The following ZFHX3 variants were observed in gnomAD, a reference collection of about 807,000 sequenced individuals.
ZFHX3 encodes the protein zinc finger homeobox protein 3.
Under a neutral mutation model 279.1 loss-of-function variants are expected in ZFHX3, and 42 were observed. The observed-to-expected ratio is 0.15, with a 90% CI of 0.12 to 0.19. ZFHX3 has a LOEUF of 0.19. Among genes scored for constraint, ZFHX3 ranks in the 10% least tolerant of loss-of-function variants. ZFHX3 has a pLI of 1.00. For synonymous variants in ZFHX3, 2,293 were observed against 1,957.8 expected, an observed-to-expected ratio of 1.17 and a Z score of -4.52; for missense variants, 4,981 against 4,754.0, an observed-to-expected ratio of 1.05 and a Z score of -1.40.
In ZFHX3 at chr16:73,096,211, A is replaced by G. The variant is rs532989946; in HGVS notation, c.-896-2613T>C. ...GCTGCCTGCCCCGAATTGGGCTCCTATAACTGTTCCAGAAAGTAGCTTTTG... is the reference window on the plus strand; with the variant it reads ...GCTGCCTGCCCCGAATTGGGCTCCTGTAACTGTTCCAGAAAGTAGCTTTTG... On this transcript the variant is annotated intron_variant, in intron 7 of 17. Transcript: ENST00000641206. Among the ~76,000 whole-genome samples the G allele has an allele frequency of 1.1e-4, 16 of 151,976 alleles. No individual in the cohort carries two copies. The South Asian group carries it at 2.9e-3, about 28-fold the overall frequency.
At chr16:73,070,702 A>T (rs1337171710) in intron 8 of ZFHX3, among the ~76,000 whole-genome samples, 1 of 147,144 alleles carries the variant, frequency 6.8e-6, no homozygotes, top group East Asian at 2.2e-4. Context: ...GGAAATGCTG[A>T]CATCATTGTC....
At chr16:73,287,672 G>A (rs2014658515) in intron 4 of ZFHX3, among the ~76,000 whole-genome samples, 1 of 147,190 alleles carries the variant, frequency 6.8e-6, no homozygotes, top group East Asian at 2.1e-4. Context: ...GGCTATGTGG[G>A]TTGATGTGTG....
At chr16:73,610,983 G>A (rs1169963965) in intron 2 of ZFHX3, among the ~76,000 whole-genome samples, 1 of 152,202 alleles carries the variant, frequency 6.6e-6, no homozygotes, top group African/African-American at 2.4e-5. Flanking sequence ...TGGAGGCTTT[G>A]TCAGCCGCTG....
chr16:73,007,259 T>C (rs1963741723), intron 1 of ZFHX3, among the ~76,000 whole-genome samples: 1 of 152,230 alleles, frequency 6.6e-6, no homozygotes, highest in Non-Finnish European at 1.5e-5. Flanking sequence ...TCAGCTTTCT[T>C]TTTGTGTAAC....
At chr16:73,194,686 G>A (rs1761296666) in intron 5 of ZFHX3, among the ~76,000 whole-genome samples, 2 of 152,202 alleles carry the variant, frequency 1.3e-5, no homozygotes, top group Non-Finnish European at 2.9e-5. Context: ...TGAGTGGTAT[G>A]CCTTTGATGC....
At chr16:73,707,392 T>C (rs1265223065) in intron 1 of ZFHX3, among the ~76,000 whole-genome samples, 1 of 151,946 alleles carries the variant, frequency 6.6e-6, no homozygotes, top group Non-Finnish European at 1.5e-5. Flanking sequence ...AAAAAGCAAG[T>C]TGTGGATGGA....
At chr16:73,631,194 T>C (rs1295220166) in intron 2 of ZFHX3, among the ~76,000 whole-genome samples, 1 of 152,226 alleles carries the variant, frequency 6.6e-6, no homozygotes, top group Non-Finnish European at 1.5e-5. Context: ...CCCACCTCCT[T>C]GAGTATCTAT....
intron 4 of ZFHX3, among the ~76,000 whole-genome samples, chr16:72,838,366 C>T (rs1030346889): frequency 6.6e-6 from 1 of 152,096 alleles, no homozygotes; most frequent in Non-Finnish European, 1.5e-5. Flanking sequence ...GCGTGTTCGG[C>T]CCCTGCTGGG....
intron 1 of ZFHX3, among the ~76,000 whole-genome samples, chr16:73,813,073 C>G (rs938667794): frequency 6.6e-6 from 1 of 152,176 alleles, no homozygotes; most frequent in South Asian, 2.1e-4. Context: ...GAAAACTAAA[C>G]AAGATTTATC....
intron 5 of ZFHX3, among the ~76,000 whole-genome samples, chr16:73,172,935 T>G (rs1455226298): frequency 1.3e-5 from 2 of 149,162 alleles, no homozygotes; most frequent in Non-Finnish European, 3.0e-5. Context: ...CCTGTGGTTT[T>G]TTTTTTTTTT....
chr16:73,813,863 A>G (rs539041256), intron 1 of ZFHX3: 1 of 152,334 alleles, frequency 6.6e-6, no homozygotes, highest in African/African-American at 2.4e-5. Flanking sequence ...TGCAGGCAAG[A>G]TTTGTTCCCT....
At chr16:73,006,569 G>C (rs1315859666) in intron 1 of ZFHX3, among the ~76,000 whole-genome samples, 1 of 151,780 alleles carries the variant, frequency 6.6e-6, no homozygotes, top group African/African-American at 2.4e-5. Flanking sequence ...AATGAGCCAT[G>C]ATTGCACCAC....
chr16:72,819,861 TAATC>T (rs2036735523), intron 5 of ZFHX3, among the ~76,000 whole-genome samples: 1 of 152,258 alleles, frequency 6.6e-6, no homozygotes, highest in African/African-American at 2.4e-5. Flanking sequence ...TCTGTTAGCG[TAATC>T]CAGAATAAGG....
intron 2 of ZFHX3, among the ~76,000 whole-genome samples, chr16:73,584,804 C>A (rs965688548): frequency 7.2e-5 from 11 of 152,108 alleles, no homozygotes; most frequent in Non-Finnish European, 2.9e-5. Context: ...AACAGACAAC[C>A]TACAGAATGG....
intron 3 of ZFHX3, among the ~76,000 whole-genome samples, chr16:73,455,066 CTT>C (rs35164741): frequency 4.6e-5 from 7 of 152,146 alleles, no homozygotes; most frequent in Non-Finnish European, 8.8e-5. Flanking sequence ...CGATGTGACT[CTT>C]TTTTGAACCA....
At chr16:72,830,722 G>C (rs1330806207) in intron 4 of ZFHX3, among the ~76,000 whole-genome samples, 3 of 152,178 alleles carry the variant, frequency 2.0e-5, no homozygotes, top group African/African-American at 7.2e-5. Flanking sequence ...AGATGCTGAG[G>C]GAAAGAAGGG....
intron 4 of ZFHX3, among the ~76,000 whole-genome samples, chr16:73,316,017 A>G (rs2015439282): frequency 6.6e-6 from 1 of 152,056 alleles, no homozygotes; most frequent in African/African-American, 2.4e-5. Flanking sequence ...GGGGTTGGAA[A>G]CCGCTGGCCC....
intron 3 of ZFHX3, among the ~76,000 whole-genome samples, chr16:73,428,058 T>C (rs902981230): frequency 1.3e-5 from 2 of 152,012 alleles, no homozygotes; most frequent in Non-Finnish European, 2.9e-5. Context: ...GACACACACA[T>C]ATTATTTGGG....
chr16:72,939,498 A>C (rs1018039268), intron 3 of ZFHX3, among the ~76,000 whole-genome samples: 6 of 152,250 alleles, frequency 3.9e-5, no homozygotes, highest in African/African-American at 1.4e-4. Context: ...AGGCATCTGC[A>C]GGACCACTGC....
Sources: gnomAD v4.1 joint callset for allele counts (sites outside exome capture counted in the v4.1 genomes callset) on GRCh38, gnomAD v4.1.1 for gene constraint, MANE v1.5 for transcripts, NCBI Gene and HGNC (gene_info 2026-07-23, HGNC 2026-07-21) for gene names.